Variants in COL4A6 observed in about 807,000 individuals in gnomAD.
COL4A6 encodes the protein collagen type IV alpha 6 chain.
Under a neutral mutation model 126.7 loss-of-function variants are expected in COL4A6, and 59 were observed. The observed-to-expected ratio is 0.47, with a 90% CI of 0.38 to 0.58. The LOEUF (loss-of-function observed/expected upper bound fraction) is 0.58. Among genes scored for constraint, COL4A6 ranks in the 20% least tolerant of loss-of-function variants. The probability of loss-of-function intolerance (pLI) is 0.00; values close to 1 mark genes in which losing one functional copy is unlikely to be tolerated. For synonymous variants in COL4A6, 547 were observed against 496.6 expected, an observed-to-expected ratio of 1.10 and a Z score of -1.35; for missense variants, 1,285 against 1,337.3, an observed-to-expected ratio of 0.96 and a Z score of 0.61.
intron 5 of COL4A6, 104 bp from the exon 6 acceptor site, chrX:108,214,332 C>T (rs1330944116): frequency 3.7e-6 from 2 of 534,266 alleles, no homozygotes; most frequent in Admixed American, 3.2e-5. Flanking sequence ...ACTGTGGCTC[C>T]TTGTTCACTC....
At chrX:108,225,753 C>T (rs776656572) in intron 3 of COL4A6, among the ~76,000 whole-genome samples, 31 of 112,952 alleles carry the variant, frequency 2.7e-4, no homozygotes, top group Non-Finnish European at 5.4e-4. Context: ...CTAGACAGGA[C>T]GGTGAAACTG....
At position 108,175,158 on chromosome X, in the gene COL4A6, T is replaced by A. The variant is rs143146797; in HGVS notation, c.2888A>T (p.Asn963Ile). Residue 963 changes from asparagine (N) to isoleucine (I), a missense_variant, in exon 30 of 45, where the codon AAC becomes ATC. Physicochemically the swap from Asn to Ile is moderately radical, Grantham distance 149. Coordinates refer to ENST00000334504, the MANE Select transcript of COL4A6 (RefSeq NM_033641.4). ...GIPSPRRPMS[N>I]LWLKGDKGSQ... Reference sequence around the variant, plus strand: ...GCCTTTGTCTCCTTTGAGCCAAAGGTTTGACATTGGACGTCTTGGACTAGG... The same window carrying A: ...GCCTTTGTCTCCTTTGAGCCAAAGGATTGACATTGGACGTCTTGGACTAGG... The A allele has an allele frequency of 7.6e-4, 917 of 1,201,244 alleles. 5 individuals are homozygous for A. The African/African-American group carries it at 0.015, about 19-fold the overall frequency.
chrX:108,165,434 G>C lies in COL4A6; in HGVS notation c.3744C>G (p.Ser1248=). 8.3e-7 allele frequency: 1 copy of C among 1,206,195 alleles called. No individual in the cohort carries two copies. Among genetic ancestry groups the C allele is most frequent in the Non-Finnish European group, 1.1e-6 (1 of 893,562 alleles). ...GCTGTCCTGCTATGAGTGAGGGCAAGGAGATGCCTGGGGCACCGGGGAGAC... is the reference window on the plus strand; with the variant it reads ...GCTGTCCTGCTATGAGTGAGGGCAACGAGATGCCTGGGGCACCGGGGAGAC... ...PAGLPGAPGI[S]LPSLIAGQPG... is the part of the protein sequence containing the mutation. Residue 1248 remains serine (S), a synonymous_variant, in exon 38 of 45, where the codon TCC becomes TCG. Coordinates refer to ENST00000334504, the MANE Select transcript of COL4A6 (RefSeq NM_033641.4).
intron 2 of COL4A6, among the ~76,000 whole-genome samples, chrX:108,376,299 A>G (rs1266645554): frequency 9.0e-6 from 1 of 111,607 alleles, no homozygotes; most frequent in South Asian, 3.7e-4. Flanking sequence ...TTTTACAGTA[A>G]TAAATTCAAG....
intron 3 of COL4A6, among the ~76,000 whole-genome samples, chrX:108,275,507 A>G (rs1037068320): frequency 8.9e-6 from 1 of 112,449 alleles, no homozygotes; most frequent in African/African-American, 3.2e-5. Context: ...TCTTGATTCC[A>G]CCAGCCATGA....
intron 42 of COL4A6, among the ~76,000 whole-genome samples, chrX:108,161,347 T>G (rs2148053866): frequency 9.0e-6 from 1 of 111,415 alleles, no homozygotes; most frequent in East Asian, 2.8e-4. Context: ...TAGTATAAAG[T>G]CAGACCTTTT....
intron 2 of COL4A6, among the ~76,000 whole-genome samples, chrX:108,371,451 T>C (rs897265157): frequency 2.7e-5 from 3 of 109,812 alleles, no homozygotes; most frequent in African/African-American, 9.9e-5. Context: ...AACTTATATA[T>C]GTATTGTAGC....
intron 3 of COL4A6, among the ~76,000 whole-genome samples, chrX:108,233,991 T>C (rs1345922220): frequency 8.9e-6 from 1 of 112,206 alleles, no homozygotes; most frequent in Non-Finnish European, 1.9e-5. Context: ...AAGTTCTGTG[T>C]GCAACAGGAA....
chrX:108,262,795 T>G (rs761028568), intron 3 of COL4A6, among the ~76,000 whole-genome samples: 26 of 111,843 alleles, frequency 2.3e-4, no homozygotes, highest in African/African-American at 8.4e-4. Flanking sequence ...AATTCATAGT[T>G]GATGGGCCTT....
intron 2 of COL4A6, among the ~76,000 whole-genome samples, chrX:108,326,193 G>C (rs1023845673): frequency 4.5e-5 from 5 of 112,270 alleles, no homozygotes; most frequent in South Asian, 3.7e-4. Flanking sequence ...TAATAAGTGA[G>C]TTTAGTAATG....
chrX:108,165,254 G>T, intron 38 of COL4A6, 116 bp downstream of exon 38: 1 of 769,994 alleles, frequency 1.3e-6, no homozygotes, highest in Non-Finnish European at 2.0e-6. Context: ...GGGATGTGAA[G>T]CCAAACACGC....
At chrX:108,209,891 A>G (rs1404150143) in intron 8 of COL4A6, 78 bp downstream of exon 8, 2 of 1,085,676 alleles carry the variant, frequency 1.8e-6, no homozygotes, top group East Asian at 3.0e-5. Flanking sequence ...ACCTTAGAAC[A>G]TCATAGAGAA....
At chrX:108,324,095 T>C (rs1385743029) in intron 2 of COL4A6, among the ~76,000 whole-genome samples, 1 of 112,131 alleles carries the variant, frequency 8.9e-6, no homozygotes, top group Admixed American at 9.5e-5. Context: ...ACGTTTCTAG[T>C]TGGGAGATTA....
Position 108,157,036 on chromosome X carries a change from T to G in COL4A6, c.5037A>C (p.Arg1679=). The G allele has an allele frequency of 8.3e-7, 1 of 1,211,642 alleles. No individual in the cohort carries two copies. The highest frequency in any genetic ancestry group is 1.1e-6 in the Non-Finnish European group (1 of 895,449). Residue 1679 remains arginine, a synonymous_variant, in exon 45 of 45, where the codon CGA becomes CGC. Coordinates refer to ENST00000334504, the MANE Select transcript of COL4A6 (RefSeq NM_033641.4). ...ETLKAGQLHT[R]VSRCQVCMKS... ...TCATACACACCTGGCAGCGACTGACTCGAGTGTGGAGCTGCCCAGCTTTCA... is the reference window on the plus strand; with the variant it reads ...TCATACACACCTGGCAGCGACTGACGCGAGTGTGGAGCTGCCCAGCTTTCA...
At chrX:108,260,620 A>C (rs2037136743) in intron 3 of COL4A6, among the ~76,000 whole-genome samples, 1 of 111,279 alleles carries the variant, frequency 9.0e-6, no homozygotes, top group Admixed American at 9.6e-5. Context: ...GAGGCCTCCC[A>C]GTCACAAGGA....
intron 3 of COL4A6, among the ~76,000 whole-genome samples, chrX:108,290,099 AAGG>A (rs768341055): frequency 2.3e-4 from 26 of 112,238 alleles, no homozygotes; most frequent in African/African-American, 8.4e-4. Context: ...AATGTTTCTA[AAGG>A]ATCTTGAAAT....
rs750054779 is a variant in COL4A6, at chrX:108,214,169, A to G, written c.384T>C (p.Thr128=). ...GPPGLDGCNG[T]QGAVGFPGPD... is the part of the protein sequence containing the mutation. ...GGCCTGGAAATCCAACAGCTCCTTG[A>G]GTTCCATTACAGCCATCCAGACCAG... The change falls in exon 6 of 45, where the codon ACT becomes ACC. Residue 128 remains threonine, a synonymous_variant. Transcript: ENST00000334504. 10 of 1,208,537 alleles carry G rather than the reference A, an allele frequency of 8.3e-6. No homozygotes were observed. The Admixed American group carries it at 2.2e-4, about 26-fold the overall frequency.
intron 43 of COL4A6, among the ~76,000 whole-genome samples, chrX:108,160,081 C>A: frequency 8.9e-6 from 1 of 111,994 alleles, no homozygotes; most frequent in South Asian, 3.7e-4. Context: ...TCATCATTGC[C>A]CTGCAGGTCA....
intron 2 of COL4A6, among the ~76,000 whole-genome samples, chrX:108,394,294 A>G (rs2040913021): frequency 9.1e-6 from 1 of 109,823 alleles, no homozygotes; most frequent in Non-Finnish European, 1.9e-5. Flanking sequence ...GGTCTAGGGG[A>G]GGGATAGCAT....
Sources: allele counts gnomAD v4.1 joint callset (sites outside exome capture counted in the v4.1 genomes callset), GRCh38; gene constraint gnomAD v4.1.1; transcripts MANE v1.5; gene names NCBI Gene and HGNC (gene_info 2026-07-23, HGNC 2026-07-21).